Variants in DNAJC5G observed in about 807,000 individuals in gnomAD.
The protein encoded by DNAJC5G is DnaJ heat shock protein family (Hsp40) member C5 gamma.
DNAJC5G carries 13 observed loss-of-function variants against 19.1 expected under a neutral mutation model. The observed-to-expected ratio is 0.68, with a 90% CI of 0.44 to 1.08. DNAJC5G has a LOEUF of 1.08. Ranked by LOEUF, DNAJC5G falls within the 50% of genes least tolerant of loss-of-function variation. The probability of loss-of-function intolerance (pLI) is 0.00; values close to 1 mark genes in which losing one functional copy is unlikely to be tolerated. For synonymous variants in DNAJC5G, 81 were observed against 84.4 expected (o/e 0.96, Z 0.22); for missense variants, 245 against 230.4 (o/e 1.06, Z -0.41).
Position 27,281,475 on chromosome 2 carries a change from G to A in DNAJC5G, c.*1065G>A, listed in dbSNP as rs954043520. 1.3e-5 allele frequency: 2 copies of A among 152,334 alleles called. No individual in the cohort carries two copies. Among genetic ancestry groups the A allele is most frequent in the African/African-American group, 4.8e-5 (2 of 41,446 alleles). 9.4% of individuals were successfully genotyped at this position (152,334 alleles called of 1,614,324 possible). A position where few individuals can be genotyped will look rare whatever the true frequency, so the allele number is the denominator to read the frequency against. On this transcript the variant is annotated 3_prime_UTR_variant, in exon 7 of 7. Coordinates refer to ENST00000296097, the MANE Select transcript of DNAJC5G (RefSeq NM_173650.3). The stretch of plus-strand genomic sequence containing the variant: ...CCCAAAAAAGACAAATTGTGTCTGG[G>A]GTAGAGAAAAAAGGCCTAAAGAAAT...
chr2:27,280,408 G>A, intron 6 of DNAJC5G, 21 bp from the exon 7 acceptor site: 4 of 590,900 alleles, frequency 6.8e-6, no homozygotes, highest in East Asian at 3.0e-5. Context: ...TTAATAAAGC[G>A]CCACCTTCTT....
chr2:27,279,897 T>G (rs1344814596), intron 5 of DNAJC5G, among the ~76,000 whole-genome samples: 1 of 150,180 alleles, frequency 6.7e-6, no homozygotes, highest in East Asian at 2.0e-4. Context: ...CACTCCAGCC[T>G]GGGTGACAGA....
chr2:27,275,475 C>T lies in DNAJC5G; in HGVS notation c.-364C>T. The T allele has an allele frequency of 5.9e-6, 2 of 339,708 alleles. No individual in the cohort carries two copies. Among genetic ancestry groups the T allele is most frequent in the South Asian group, 4.4e-5 (2 of 44,978 alleles). 21.0% of individuals were successfully genotyped at this position (339,708 alleles called of 1,614,324 possible). ...CGACGCTGCGCACAAGCGCAGTCAA[C>T]TGCTGGACCCGGCCGGTGTGAAGTT... On this transcript the variant is annotated 5_prime_UTR_variant, in exon 1 of 7. Transcript: ENST00000296097.
intron 3 of DNAJC5G, 82 bp downstream of exon 3, chr2:27,276,923 CTTT>C (rs574019537): frequency 0.033 from 16,915 of 505,802 alleles, 1 homozygote; most frequent in South Asian, 0.048. Flanking sequence ...CTATCTGACT[CTTT>C]TTTTTTTTTT....
intron 5 of DNAJC5G, among the ~76,000 whole-genome samples, chr2:27,279,580 A>C (rs1282058978): frequency 6.6e-6 from 1 of 152,084 alleles, no homozygotes; most frequent in Non-Finnish European, 1.5e-5. Context: ...TATAGGCATG[A>C]GCCACTGTGC....
Position 27,276,377 on chromosome 2 carries a change from G to T in DNAJC5G, c.-14G>T, listed in dbSNP as rs944231897. The T allele has an allele frequency of 5.4e-6, 1 of 186,624 alleles. No homozygotes were observed. 11.6% of individuals were successfully genotyped at this position (186,624 alleles called of 1,614,324 possible). On this transcript the variant is annotated 5_prime_UTR_variant, in exon 2 of 7. Coordinates refer to ENST00000296097, the MANE Select transcript of DNAJC5G (RefSeq NM_173650.3). ...AGTGAGCTTGGACAGACCCAGAGGT[G>T]TTTACTCCAGGTAATAGGAGCTCTA...
Position 27,281,383 on chromosome 2 carries a change from T to G in DNAJC5G, c.*973T>G, listed in dbSNP as rs1678363872. 1 of 152,326 alleles carries G rather than the reference T, an allele frequency of 6.6e-6. No individual in the cohort carries two copies. Among genetic ancestry groups the G allele is most frequent in the Non-Finnish European group, 1.5e-5 (1 of 68,044 alleles). The allele number at this position is 152,326 out of a possible 1,614,324, so 9.4% of individuals were successfully genotyped here. A position where few individuals can be genotyped will look rare whatever the true frequency, so the allele number is the denominator to read the frequency against. On this transcript the variant is annotated 3_prime_UTR_variant, in exon 7 of 7. Transcript: ENST00000296097. Reference sequence around the variant, plus strand: ...ATTCCTCAAACTTCTCTCCCTGGACTAGGAGAAAGGCTAAAGAATGTCAGT... The same window carrying G: ...ATTCCTCAAACTTCTCTCCCTGGACGAGGAGAAAGGCTAAAGAATGTCAGT...
intron 3 of DNAJC5G, 146 bp from the exon 4 acceptor site, chr2:27,277,608 A>G: frequency 1.8e-6 from 2 of 1,103,666 alleles, no homozygotes; most frequent in South Asian, 1.5e-5. Flanking sequence ...TTGGGGCCAA[A>G]TGGCACCATC....
chr2:27,278,054 A>C, intron 4 of DNAJC5G, 39 bp downstream of exon 4: 1 of 1,609,558 alleles, frequency 6.2e-7, no homozygotes, highest in Non-Finnish European at 8.5e-7. Context: ...TAAGGAAAGA[A>C]GGGTGACCTT....
At position 27,277,776 on chromosome 2, in the gene DNAJC5G, C is replaced by T; in HGVS notation, c.136C>T (p.Pro46Ser). The T allele has an allele frequency of 1.9e-6, 3 of 1,614,042 alleles. No homozygotes were observed. Among genetic ancestry groups the T allele is most frequent in the Non-Finnish European group, 2.5e-6 (3 of 1,179,940 alleles). Residue 46 changes from proline to serine, a missense_variant, in exon 4 of 7, where the codon CCT becomes TCT. Coordinates refer to ENST00000296097, the MANE Select transcript of DNAJC5G (RefSeq NM_173650.3). ...SYSHSALLPH[P>S]PFEYHLGRKL... ...CAGCCATTCCGCATTGCTTCCCCAC[C>T]CTCCTTTTGAGTATCACCTGGGTAG...
intron 5 of DNAJC5G, among the ~76,000 whole-genome samples, chr2:27,279,407 C>T (rs912858156): frequency 1.3e-5 from 2 of 151,980 alleles, no homozygotes; most frequent in Admixed American, 6.6e-5. Context: ...CGGGTTCAAG[C>T]GATTCTACTG....
In DNAJC5G at chr2:27,276,829, A is replaced by C; in HGVS notation, c.101A>C (p.Lys34Thr). The C allele has an allele frequency of 6.2e-7, 1 of 1,614,048 alleles. No homozygotes were observed. Among genetic ancestry groups the C allele is most frequent in the Non-Finnish European group, 8.5e-7 (1 of 1,179,980 alleles). ...AAGGGCGCCTCACCTGAAGACTTCAAAAAATCCTACAGGTTCAGACCTCAG... is the reference window on the plus strand; with the variant it reads ...AAGGGCGCCTCACCTGAAGACTTCACAAAATCCTACAGGTTCAGACCTCAG... ...LKKGASPEDF[K>T]KSYSHSALLP... is the part of the protein sequence containing the mutation. The change falls in exon 3 of 7, where the codon AAA becomes ACA. Residue 34 changes from lysine (K) to threonine (T), a missense_variant. Transcript: ENST00000296097.
intron 5 of DNAJC5G, among the ~76,000 whole-genome samples, chr2:27,279,292 TTTGTTG>T (rs1223119626): frequency 6.6e-6 from 1 of 151,558 alleles, no homozygotes. Context: ...TTGTTGTTGT[TTTGTTG>T]TTGTTGGTGG....
In DNAJC5G at chr2:27,277,974, G is replaced by A; in HGVS notation, c.334G>A (p.Gly112Ser). 1 of 1,614,190 alleles carries A rather than the reference G, an allele frequency of 6.2e-7. No individual in the cohort carries two copies. The highest frequency in any genetic ancestry group is 1.3e-5 in the African/African-American group (1 of 75,034). Residue 112 changes from glycine to serine, a missense_variant, in exon 4 of 7, where the codon GGC becomes AGC. By Grantham distance (56) the Gly-to-Ser change is moderately conservative. Coordinates refer to ENST00000296097, the MANE Select transcript of DNAJC5G (RefSeq NM_173650.3). ...TCTGTATGATCACTTTGGTGAAGAAGGCGTCAGATACTATTTTATTCTGAA... is the reference window on the plus strand; with the variant it reads ...TCTGTATGATCACTTTGGTGAAGAAAGCGTCAGATACTATTTTATTCTGAA... ...IYLYDHFGEE[G>S]VRYYFILNSC...
chr2:27,279,965 GGGAAGA>G (rs1014491836), intron 5 of DNAJC5G, among the ~76,000 whole-genome samples, 195 bp from the exon 6 acceptor site: 3 of 151,294 alleles, frequency 2.0e-5, no homozygotes, highest in African/African-American at 7.3e-5. Flanking sequence ...GGAGGGGGAG[GGGAAGA>G]GGAAGAGGAA....
chr2:27,279,009 A>G (rs1348929390), intron 5 of DNAJC5G, among the ~76,000 whole-genome samples: 1 of 151,606 alleles, frequency 6.6e-6, no homozygotes, highest in Non-Finnish European at 1.5e-5. Context: ...CATCTCAAAA[A>G]AAAAAAAAAA....
chr2:27,280,116 A>G, intron 5 of DNAJC5G, 50 bp from the exon 6 acceptor site: 3 of 1,580,452 alleles, frequency 1.9e-6, no homozygotes, highest in South Asian at 1.1e-5. Context: ...TACACTACGA[A>G]AAGTTACTAA....
chr2:27,276,963 G>A, intron 3 of DNAJC5G, 122 bp downstream of exon 3: 1 of 795,586 alleles, frequency 1.3e-6, no homozygotes, highest in Non-Finnish European at 1.9e-6. Context: ...GTCTCGTCCT[G>A]TCACAGAGCA....
rs1288395120 is a variant in DNAJC5G at position 27,277,738 on chromosome 2, A to C, written c.114-16A>C. 6.2e-7 allele frequency: 1 copy of C among 1,613,460 alleles called. No individual in the cohort carries two copies. Among genetic ancestry groups the C allele is most frequent in the Admixed American group, 1.7e-5 (1 of 59,980 alleles). On this transcript the variant is annotated splice_polypyrimidine_tract_variant and intron_variant, in intron 3 of 6. Coordinates refer to ENST00000296097, the MANE Select transcript of DNAJC5G (RefSeq NM_173650.3). The stretch of plus-strand genomic sequence containing the variant: ...GAGACTAATCCATGTCATTCATCGT[A>C]AGTCTCCTTCCCCAGCCATTCCGCA...
Sources: gnomAD v4.1 joint callset for allele counts (sites outside exome capture counted in the v4.1 genomes callset) on GRCh38, gnomAD v4.1.1 for gene constraint, MANE v1.5 for transcripts, NCBI Gene and HGNC (gene_info 2026-07-23, HGNC 2026-07-21) for gene names.